Variants in PCDH11X observed in about 807,000 individuals in gnomAD.
PCDH11X encodes protocadherin-11 X-linked.
Under a neutral mutation model 53.3 loss-of-function variants are expected in PCDH11X, and 18 were observed. The ratio of observed to expected loss-of-function variants is 0.34; its 90% CI spans 0.23 to 0.50. PCDH11X has a LOEUF of 0.50. Ranked by LOEUF, PCDH11X falls within the 20% of genes least tolerant of loss-of-function variation. The pLI is 0.98. For synonymous variants in PCDH11X, 279 were observed against 393.3 expected (o/e 0.71, Z 3.44); for missense variants, 570 against 1,032.4 (o/e 0.55, Z 6.14).
At chrX:92,543,814 G>A (rs1372081778) in intron 10 of PCDH11X, among the ~76,000 whole-genome samples, 2 of 108,022 alleles carry the variant, frequency 1.9e-5, no homozygotes, top group Non-Finnish European at 3.8e-5. Flanking sequence ...ATATAGTCTA[G>A]AATAACAGAA....
rs778039511 is a variant in PCDH11X at position 91,845,892 on chromosome X, T to TA, written c.540+9850dup. Among the ~76,000 whole-genome samples the TA allele has an allele frequency of 8.2e-5, 9 of 110,202 alleles. No individual in the cohort carries two copies. In the East Asian group the frequency reaches 2.6e-3, roughly 32 times the overall value. On this transcript the variant is annotated intron_variant, in intron 5 of 10. Transcript: ENST00000682573. ...TCTTTAGCTCTTAGAAATTGGATTT[T>TA]AATTATTTATCTAATAGACAAGACT...
chrX:92,502,364 A>T (rs969085239), intron 10 of PCDH11X, among the ~76,000 whole-genome samples: 21 of 110,252 alleles, frequency 1.9e-4, no homozygotes, highest in African/African-American at 6.6e-4. Context: ...AATTAAAAAA[A>T]AAAACTATTT....
intron 7 of PCDH11X, among the ~76,000 whole-genome samples, chrX:92,240,628 A>G (rs754129005): frequency 7.3e-4 from 82 of 111,787 alleles, no homozygotes; most frequent in Non-Finnish European, 1.3e-3. Flanking sequence ...AACATTCTTC[A>G]CAGCTTCTTT....
intron 7 of PCDH11X, among the ~76,000 whole-genome samples, chrX:92,218,562 A>G (rs2066777665): frequency 9.0e-6 from 1 of 110,991 alleles, no homozygotes; most frequent in Non-Finnish European, 1.9e-5. Flanking sequence ...TCAATAGCTT[A>G]CCAACCAAAC....
At chrX:92,260,677 C>G (rs2067697503) in intron 7 of PCDH11X, among the ~76,000 whole-genome samples, 1 of 111,182 alleles carries the variant, frequency 9.0e-6, no homozygotes, top group Non-Finnish European at 1.9e-5. Flanking sequence ...CCATCTTGCT[C>G]TGCCTCCACT....
In PCDH11X at chrX:92,050,503, C is replaced by T. The variant is rs751746657; in HGVS notation, c.3034-150872C>T. Among the ~76,000 whole-genome samples, 3 of 107,180 alleles carry T rather than the reference C, an allele frequency of 2.8e-5. No homozygotes were observed. The Admixed American group carries it at 3.1e-4, about 11-fold the overall frequency. The allele number at this position is 107,180 out of a possible 115,157, so 93.1% of individuals were successfully genotyped here. A position where few individuals can be genotyped will look rare whatever the true frequency, so the allele number is the denominator to read the frequency against. ...TAAGAGTATGGATTCTGGAGCTAGA[C>T]CGTCTGGGTTCAAAGTCTTACACTT... On this transcript the variant is annotated intron_variant, in intron 6 of 10. Transcript: ENST00000682573.
At chrX:92,239,817 A>G (rs566280924) in intron 7 of PCDH11X, among the ~76,000 whole-genome samples, 11 of 111,783 alleles carry the variant, frequency 9.8e-5, no homozygotes, top group African/African-American at 3.2e-4. Context: ...ATTGGGATGT[A>G]GGATCCTTTA....
intron 6 of PCDH11X, among the ~76,000 whole-genome samples, chrX:91,904,478 T>C (rs1259702352): frequency 1.8e-5 from 2 of 111,150 alleles, no homozygotes; most frequent in Non-Finnish European, 3.8e-5. Context: ...TTGTACTTGT[T>C]ATTTAATTGT....
intron 6 of PCDH11X, among the ~76,000 whole-genome samples, chrX:91,986,598 G>A (rs2062231618): frequency 9.0e-6 from 1 of 110,498 alleles, no homozygotes; most frequent in Non-Finnish European, 1.9e-5. Context: ...TAAGGGAGAA[G>A]CCATTTCCTT....
chrX:92,193,233 C>G (rs2066231026), intron 6 of PCDH11X, among the ~76,000 whole-genome samples: 1 of 111,526 alleles, frequency 9.0e-6, no homozygotes, highest in Non-Finnish European at 1.9e-5. Flanking sequence ...TGTTTGTGTT[C>G]TAGTGAATCT....
intron 9 of PCDH11X, among the ~76,000 whole-genome samples, chrX:92,398,129 CA>C (rs1295365029): frequency 1.8e-5 from 2 of 111,871 alleles, no homozygotes; most frequent in Admixed American, 1.9e-4. Flanking sequence ...ATCTGAAATC[CA>C]AATATCATGG....
intron 8 of PCDH11X, among the ~76,000 whole-genome samples, chrX:92,363,647 CTT>C (rs2070396364): frequency 9.1e-6 from 1 of 109,807 alleles, no homozygotes; most frequent in Non-Finnish European, 1.9e-5. Flanking sequence ...GACTTTCACT[CTT>C]TTTTCTTGCC....
At chrX:92,563,888 G>A (rs12010116) in intron 10 of PCDH11X, among the ~76,000 whole-genome samples, 2,755 of 110,459 alleles carry the variant, frequency 0.025, 72 homozygotes, top group African/African-American at 0.086. Context: ...TGATGAAAAC[G>A]AGGAAACTAC....
At chrX:91,829,629 TTCTC>T (rs1301810414) in intron 4 of PCDH11X, among the ~76,000 whole-genome samples, 2 of 111,136 alleles carry the variant, frequency 1.8e-5, no homozygotes, top group Non-Finnish European at 3.8e-5. Flanking sequence ...TTCTGTTTCT[TTCTC>T]TTTTCTTTTG....
rs757521664 is a variant in PCDH11X, at chrX:92,298,204, G to A, written c.3144+35061G>A. ...TGTTTTGAATAGCAGTGGTGAGAGA[G>A]AGAGCATTATTGTCTTGTTCCAATT... is the stretch of plus-strand genomic sequence containing the variant. On this transcript the variant is annotated intron_variant, in intron 8 of 10. Coordinates refer to ENST00000682573, the MANE Select transcript of PCDH11X (RefSeq NM_032968.5). Among the ~76,000 whole-genome samples, 134 of 111,476 alleles carry A rather than the reference G, an allele frequency of 1.2e-3. 1 individual carries two copies. The highest frequency in any genetic ancestry group is 4.1e-3 in the African/African-American group (127 of 30,644).
At chrX:92,184,817 A>C (rs2066061869) in intron 6 of PCDH11X, among the ~76,000 whole-genome samples, 1 of 111,005 alleles carries the variant, frequency 9.0e-6, no homozygotes, top group Non-Finnish European at 1.9e-5. Context: ...GCCTAGGCAG[A>C]AGGATCACTT....
At chrX:92,351,089 A>G (rs2070034245) in intron 8 of PCDH11X, among the ~76,000 whole-genome samples, 1 of 112,140 alleles carries the variant, frequency 8.9e-6, no homozygotes, top group African/African-American at 3.2e-5. Flanking sequence ...GTTCAGTATG[A>G]TGTTTACTTT....
chrX:92,192,666 A>G (rs1377401219), intron 6 of PCDH11X, among the ~76,000 whole-genome samples: 1 of 111,345 alleles, frequency 9.0e-6, no homozygotes, highest in Non-Finnish European at 1.9e-5. Context: ...TTTTTAAACA[A>G]TTAGTGCCAT....
In PCDH11X at chrX:91,966,275, G is replaced by A. The variant is rs143983956; in HGVS notation, c.3033+87002G>A. Among the ~76,000 whole-genome samples the A allele has an allele frequency of 6.3e-3, 695 of 110,896 alleles. 4 individuals are homozygous for A. Among genetic ancestry groups the A allele is most frequent in the African/African-American group, 0.021 (643 of 30,323 alleles). On this transcript the variant is annotated intron_variant, in intron 6 of 10. Transcript: ENST00000682573. ...TATCTATGTTTACCCAAAAACAACT[G>A]TCTATGGGACTATTGGGTCAGTTTC...
Sources: gnomAD v4.1 joint callset for allele counts (sites outside exome capture counted in the v4.1 genomes callset) on GRCh38, gnomAD v4.1.1 for gene constraint, MANE v1.5 for transcripts, NCBI Gene and HGNC (gene_info 2026-07-23, HGNC 2026-07-21) for gene names.